The following CUL3 variants were observed in gnomAD, a reference collection of about 807,000 sequenced individuals.
The protein encoded by CUL3 is cullin 3, also known as cullin-3.
Under a neutral mutation model 89.1 loss-of-function variants are expected in CUL3, and 19 were observed. That is an observed-to-expected ratio of 0.21 (90% confidence interval 0.15 to 0.31). The LOEUF (loss-of-function observed/expected upper bound fraction) is 0.31, where lower values mean the gene tolerates loss of function less well. Among genes scored for constraint, CUL3 ranks in the 10% least tolerant of loss-of-function variants. The pLI is 1.00. For synonymous variants in CUL3, 351 were observed against 308.4 expected, an observed-to-expected ratio of 1.14 and a Z score of -1.45; for missense variants, 469 against 942.3, an observed-to-expected ratio of 0.50 and a Z score of 6.58.
chr2:224,566,152 T>C (rs1053347531), intron 1 of CUL3, among the ~76,000 whole-genome samples: 1 of 152,108 alleles, frequency 6.6e-6, no homozygotes, highest in African/African-American at 2.4e-5. Flanking sequence ...GAAGAACTCA[T>C]GAGATTCTGG....
At chr2:224,481,839 T>C in intron 14 of CUL3, 53 bp downstream of exon 14, 2 of 1,265,964 alleles carry the variant, frequency 1.6e-6, no homozygotes, top group Non-Finnish European at 2.1e-6. Flanking sequence ...AGATTTTTTT[T>C]CTAAAGAGAA....
chr2:224,546,875 A>T (rs189045836), intron 2 of CUL3, among the ~76,000 whole-genome samples: 1 of 152,038 alleles, frequency 6.6e-6, no homozygotes, highest in Admixed American at 6.5e-5. Flanking sequence ...CTCTCTAATA[A>T]TCCCTTTTCC....
At chr2:224,539,941 G>C (rs952909899) in intron 2 of CUL3, among the ~76,000 whole-genome samples, 1 of 152,178 alleles carries the variant, frequency 6.6e-6, no homozygotes, top group East Asian at 1.9e-4. Flanking sequence ...TGTCAATGTA[G>C]GTTCATCAAT....
chr2:224,473,487 A>G lies in CUL3; in HGVS notation c.*758T>C, dbSNP rs568774589. On this transcript the variant is annotated 3_prime_UTR_variant, in exon 16 of 16. Coordinates refer to ENST00000264414, the MANE Select transcript of CUL3 (RefSeq NM_003590.5). ...CCTATACAATCCACTATTAGCAGTG[A>G]GTACAACAGCAAAAAAATTATTGTA... 5.5e-6 allele frequency: 1 copy of G among 183,480 alleles called. No homozygotes were observed. The highest frequency in any genetic ancestry group is 2.3e-5 in the African/African-American group (1 of 42,638). The allele number at this position is 183,480 out of a possible 1,614,324, so 11.4% of individuals were successfully genotyped here.
chr2:224,537,705 C>T (rs1156441466), intron 2 of CUL3, among the ~76,000 whole-genome samples: 1 of 151,980 alleles, frequency 6.6e-6, no homozygotes, highest in Admixed American at 6.6e-5. Flanking sequence ...AAAAAAAATA[C>T]GTATTTCAAA....
intron 6 of CUL3, among the ~76,000 whole-genome samples, chr2:224,507,289 A>G (rs568862255): frequency 1.9e-4 from 29 of 152,310 alleles, no homozygotes; most frequent in African/African-American, 5.8e-4. Context: ...GTCAAAAACC[A>G]TAATAAACAA....
Position 224,478,275 on chromosome 2 carries a change from T to C in CUL3, c.2100A>G (p.Lys700=). The C allele has an allele frequency of 1.2e-6, 2 of 1,613,846 alleles. No homozygotes were observed. The highest frequency in any genetic ancestry group is 1.1e-5 in the South Asian group (1 of 91,040). ...GCACTATAGCAGCTTCTATCTCATGTTTTCTGTCGTCGTCTACTTTCTGCC... is the reference window on the plus strand; with the variant it reads ...GCACTATAGCAGCTTCTATCTCATGCTTTCTGTCGTCGTCTACTTTCTGCC... ...ETRQKVDDDR[K]HEIEAAIVRI... is the part of the protein sequence containing the mutation. The change falls in exon 15 of 16, where the codon AAA becomes AAG. Residue 700 remains lysine, a synonymous_variant. Transcript: ENST00000264414.
At chr2:224,484,285 C>T (rs770222679) in intron 13 of CUL3, among the ~76,000 whole-genome samples, 7 of 152,224 alleles carry the variant, frequency 4.6e-5, no homozygotes, top group Admixed American at 6.5e-5. Context: ...CCCTCTTCAA[C>T]GCCAGATTTT....
chr2:224,511,109 T>G (rs1692809897), intron 6 of CUL3, among the ~76,000 whole-genome samples: 1 of 152,200 alleles, frequency 6.6e-6, no homozygotes, highest in Non-Finnish European at 1.5e-5. Flanking sequence ...TTTTATCTTC[T>G]GGATTAAATG....
At chr2:224,502,040 G>A (rs1402051189) in intron 10 of CUL3, among the ~76,000 whole-genome samples, 5 of 152,096 alleles carry the variant, frequency 3.3e-5, no homozygotes, top group Non-Finnish European at 7.4e-5. Flanking sequence ...CCTCCTCTCA[G>A]CTCTTCTCCA....
intron 2 of CUL3, among the ~76,000 whole-genome samples, chr2:224,550,020 A>T (rs1665042596): frequency 6.6e-6 from 1 of 152,084 alleles, no homozygotes; most frequent in African/African-American, 2.4e-5. Context: ...TGCAATCCTC[A>T]ATGTATCTGA....
At chr2:224,571,478 AC>A (rs749180893) in intron 1 of CUL3, among the ~76,000 whole-genome samples, 1 of 152,152 alleles carries the variant, frequency 6.6e-6, no homozygotes, top group African/African-American at 2.4e-5. Context: ...ATTACACATA[AC>A]CCAAAGGGAA....
At chr2:224,583,872 G>T (rs1695502747) in intron 1 of CUL3, among the ~76,000 whole-genome samples, 1 of 152,152 alleles carries the variant, frequency 6.6e-6, no homozygotes, top group African/African-American at 2.4e-5. Flanking sequence ...CCCCTCTTTC[G>T]CTGGTACATC....
intron 13 of CUL3, among the ~76,000 whole-genome samples, chr2:224,483,928 G>A (rs181396971): frequency 4.9e-4 from 74 of 152,176 alleles, no homozygotes; most frequent in African/African-American, 1.6e-3. Context: ...GGTTGCTCAC[G>A]CCTGTAATCC....
chr2:224,560,829 A>T (rs1187681385), intron 1 of CUL3, among the ~76,000 whole-genome samples: 1 of 152,200 alleles, frequency 6.6e-6, no homozygotes, highest in African/African-American at 2.4e-5. Context: ...AGTTGAAGTC[A>T]AAGTCCTTAC....
chr2:224,563,370 A>G, intron 1 of CUL3: 3 of 435,502 alleles, frequency 6.9e-6, no homozygotes, highest in Non-Finnish European at 1.4e-5. Context: ...TATTATCCGT[A>G]CATGCAGGGT....
At chr2:224,497,958 A>G (rs1692228054) in intron 11 of CUL3, 109 bp from the exon 12 acceptor site, 97 of 744,164 alleles carry the variant, frequency 1.3e-4, no homozygotes, top group Middle Eastern at 2.5e-4. Context: ...GTGTGTGTGT[A>G]TGGACTTTAA....
chr2:224,510,677 G>A (rs913933343), intron 6 of CUL3, among the ~76,000 whole-genome samples: 3 of 152,064 alleles, frequency 2.0e-5, no homozygotes, highest in Admixed American at 6.6e-5. Context: ...AAGAATAGAG[G>A]ATATGGTTAT....
chr2:224,542,759 G>T (rs915018252), intron 2 of CUL3, among the ~76,000 whole-genome samples: 7 of 152,100 alleles, frequency 4.6e-5, no homozygotes, highest in Non-Finnish European at 1.0e-4. Context: ...TAATGTCCAA[G>T]CTGCAATATA....
Sources: allele counts gnomAD v4.1 joint callset (sites outside exome capture counted in the v4.1 genomes callset), GRCh38; gene constraint gnomAD v4.1.1; transcripts MANE v1.5; gene names NCBI Gene and HGNC (gene_info 2026-07-23, HGNC 2026-07-21).